DNAH17: variants seen among roughly 807,000 people sequenced by gnomAD.
The protein encoded by DNAH17 is dynein axonemal heavy chain 17.
A neutral mutation model predicts 485.6 loss-of-function variants in DNAH17; 376 were observed. The observed-to-expected ratio is 0.77, with a 90% CI of 0.71 to 0.84. The LOEUF (loss-of-function observed/expected upper bound fraction) is 0.84, where lower values mean the gene tolerates loss of function less well. DNAH17 is among the 40% of genes least tolerant of loss of function. DNAH17 has a pLI of 0.00. For missense variants in DNAH17, 6,370 were observed against 5,839.3 expected (o/e 1.09, Z -2.96); for synonymous variants, 3,031 against 2,405.9 (o/e 1.26, Z -7.60).
intron 37 of DNAH17, 103 bp downstream of exon 37, chr17:78,498,905 G>A (rs533203389): frequency 1.4e-5 from 12 of 872,716 alleles, no homozygotes; most frequent in African/African-American, 5.2e-5. Flanking sequence ...TGCTTGGAAC[G>A]TTGCAGAGAG....
intron 12 of DNAH17, 84 bp downstream of exon 12, chr17:78,561,631 T>A: frequency 6.9e-7 from 1 of 1,445,028 alleles, no homozygotes; most frequent in South Asian, 1.5e-5. Flanking sequence ...GGAGGGGTGG[T>A]CCCGCTCGGG....
chr17:78,469,991 G>A (rs2088670254), intron 54 of DNAH17, among the ~76,000 whole-genome samples: 1 of 151,736 alleles, frequency 6.6e-6, no homozygotes, highest in African/African-American at 2.4e-5. Context: ...GAGAGGGACA[G>A]TGGTGATGGT....
intron 19 of DNAH17, among the ~76,000 whole-genome samples, chr17:78,536,382 G>A (rs150143112): frequency 0.015 from 2,257 of 152,192 alleles, 26 homozygotes; most frequent in South Asian, 0.025. Flanking sequence ...CCCAGGAGGC[G>A]GAGGTTGCAG....
rs1470159335 is a variant in DNAH17, at chr17:78,526,788, C to T, written c.3625-51G>A. On this transcript the variant is annotated intron_variant, in intron 23 of 80. Coordinates refer to ENST00000389840, the MANE Select transcript of DNAH17 (RefSeq NM_173628.4). ...GAGAGTCACGGGGCGGCCACCTGCC[C>T]CAAGGGTGGCCCCACCCTGTATGCC... 6 of 1,561,624 alleles carry T rather than the reference C, an allele frequency of 3.8e-6. No individual in the cohort carries two copies. The African/African-American group carries it at 6.8e-5, about 18-fold the overall frequency.
chr17:78,451,270 A>G (rs1262649660), intron 66 of DNAH17, among the ~76,000 whole-genome samples, 199 bp downstream of exon 66: 1 of 152,222 alleles, frequency 6.6e-6, no homozygotes, highest in African/African-American at 2.4e-5. Context: ...GGGAGCAGGA[A>G]GAGGGGACAG....
chr17:78,570,923 A>G, intron 6 of DNAH17, 25 bp downstream of exon 6: 1 of 1,519,444 alleles, frequency 6.6e-7, no homozygotes, highest in Non-Finnish European at 8.9e-7. Context: ...TCCCCACCAA[A>G]GCCGGCTCTC....
At chr17:78,532,954 A>G (rs750275558) in intron 19 of DNAH17, 6 of 518,310 alleles carry the variant, frequency 1.2e-5, no homozygotes, top group Non-Finnish European at 2.1e-5. Context: ...TGCCAAACTT[A>G]GTGGATAGCA....
chr17:78,443,173 T>C (rs1266354639), intron 71 of DNAH17, among the ~76,000 whole-genome samples: 1 of 152,128 alleles, frequency 6.6e-6, no homozygotes, highest in African/African-American at 2.4e-5. Context: ...TAGGCGATTC[T>C]CAGAAGCTCT....
At chr17:78,505,651 C>T (rs948252473) in intron 30 of DNAH17, among the ~76,000 whole-genome samples, 2 of 152,216 alleles carry the variant, frequency 1.3e-5, no homozygotes, top group African/African-American at 4.8e-5. Flanking sequence ...AGGCCAGGAA[C>T]CGCAGCCCTT....
chr17:78,516,170 C>G (rs111658049), intron 25 of DNAH17, among the ~76,000 whole-genome samples: 9 of 152,300 alleles, frequency 5.9e-5, no homozygotes, highest in African/African-American at 2.2e-4. Flanking sequence ...GAGTTGATGG[C>G]TTTTTCTGGC....
intron 31 of DNAH17, among the ~76,000 whole-genome samples, chr17:78,503,546 A>G (rs2090379901): frequency 6.6e-6 from 1 of 151,748 alleles, no homozygotes; most frequent in Non-Finnish European, 1.5e-5. Context: ...CTGTGCAGTA[A>G]CTGCAGTCCT....
At chr17:78,526,616 A>G in intron 24 of DNAH17, 35 bp downstream of exon 24, 1 of 1,527,638 alleles carries the variant, frequency 6.5e-7, no homozygotes, top group Non-Finnish European at 8.9e-7. Context: ...GGGTTCCCAG[A>G]CTTACCCCCT....
chr17:78,473,443 C>T (rs2088861068), intron 54 of DNAH17, among the ~76,000 whole-genome samples: 1 of 148,920 alleles, frequency 6.7e-6, no homozygotes, highest in South Asian at 2.1e-4. Flanking sequence ...ACTCAGGAGG[C>T]TGAGGCAGGA....
In DNAH17 at chr17:78,424,096, GT is replaced by G. The variant is rs2086270791; in HGVS notation, c.13198del (p.Thr4400ProfsTer43). 1 of 1,613,800 alleles carries G rather than the reference GT, an allele frequency of 6.2e-7. No homozygotes were observed. The highest frequency in any genetic ancestry group is 1.7e-5 in the Admixed American group (1 of 60,014). Reference sequence around the variant, plus strand: ...GATGAAGATGACAGGCATGGCCGGGGTCAGCTCTTTCAGCCGCGCTTCAGCG... The same window carrying G: ...GATGAAGATGACAGGCATGGCCGGGGCAGCTCTTTCAGCCGCGCTTCAGCG... ...VIAEARLKEL[T>X]PAMPVIFIKA... On this transcript the variant is annotated frameshift_variant, in exon 81 of 81. Coordinates refer to ENST00000389840, the MANE Select transcript of DNAH17 (RefSeq NM_173628.4). LOFTEE classifies it high-confidence loss of function.
chr17:78,484,874 C>T lies in DNAH17; in HGVS notation c.7643G>A (p.Arg2548Gln), dbSNP rs760914680. The T allele has an allele frequency of 9.6e-6, 15 of 1,561,554 alleles. No individual in the cohort carries two copies. Among genetic ancestry groups the T allele is most frequent in the Admixed American group, 3.9e-5 (2 of 51,714 alleles). The change falls in exon 48 of 81, where the codon CGG becomes CAG. Residue 2548 changes from arginine to glutamine, a missense_variant. Arg to Gln is a conservative substitution (Grantham distance 43). Coordinates refer to ENST00000389840, the MANE Select transcript of DNAH17 (RefSeq NM_173628.4). Reference sequence around the variant, plus strand: ...CGGCCCCGCCCCGTCTAACCAGTGCCGGTGGTCCATGTGCTGCCGGATGAG... The same window carrying T: ...CGGCCCCGCCCCGTCTAACCAGTGCTGGTGGTCCATGTGCTGCCGGATGAG... Reference protein sequence around the residue: ...HTLIRQHMDHRHWYDRHKLTL... With the variant: ...HTLIRQHMDHQHWYDRHKLTL...
At position 78,524,995 on chromosome 17, in the gene DNAH17, T is replaced by C. The variant is rs761435139; in HGVS notation, c.3864+14A>G. ...AATCCCGGGCCCCACCCACGCGGCG[T>C]GCCCTGCACTCACCACAACAACCAT... On this transcript the variant is annotated intron_variant, in intron 25 of 80. Coordinates refer to ENST00000389840, the MANE Select transcript of DNAH17 (RefSeq NM_173628.4). The C allele has an allele frequency of 2.8e-5, 45 of 1,593,882 alleles. No homozygotes were observed. The highest frequency in any genetic ancestry group is 3.7e-5 in the Non-Finnish European group (43 of 1,164,902).
At chr17:78,563,974 A>G (rs2092214885) in intron 11 of DNAH17, among the ~76,000 whole-genome samples, 1 of 152,188 alleles carries the variant, frequency 6.6e-6, no homozygotes, top group African/African-American at 2.4e-5. Context: ...AATTTTTAAA[A>G]AGAGATCTTT....
chr17:78,490,646 A>G lies in DNAH17; in HGVS notation c.6818+53T>C, dbSNP rs2089808294. The stretch of plus-strand genomic sequence containing the variant: ...TATGCAACTCTGAAACAGGCCAACA[A>G]GTTCGTTTTTCCCTGCCGAGGTTTG... On this transcript the variant is annotated intron_variant, in intron 44 of 80. Transcript: ENST00000389840. 1.5e-5 allele frequency: 23 copies of G among 1,554,652 alleles called. No homozygotes were observed. In the South Asian group the frequency reaches 2.4e-4, roughly 16 times the overall value.
intron 44 of DNAH17, among the ~76,000 whole-genome samples, chr17:78,488,983 A>G (rs1157955287): frequency 6.6e-6 from 1 of 152,142 alleles, no homozygotes; most frequent in Non-Finnish European, 1.5e-5. Context: ...TCTGGCCTCC[A>G]GCACTGGGAG....
Sources: allele counts gnomAD v4.1 joint callset (sites outside exome capture counted in the v4.1 genomes callset), GRCh38; gene constraint gnomAD v4.1.1; transcripts MANE v1.5; gene names NCBI Gene and HGNC (gene_info 2026-07-23, HGNC 2026-07-21).